Variants in TRIM9 observed in about 807,000 individuals in gnomAD.
TRIM9 encodes E3 ubiquitin-protein ligase TRIM9.
TRIM9 carries 26 observed loss-of-function variants against 78.3 expected under a neutral mutation model. The observed-to-expected ratio is 0.33, with a 90% CI of 0.24 to 0.46. TRIM9 has a LOEUF of 0.46. Among genes scored for constraint, TRIM9 ranks in the 20% least tolerant of loss-of-function variants. The pLI is 1.00. For synonymous variants in TRIM9, 398 were observed against 416.5 expected (o/e 0.96, Z 0.54); for missense variants, 787 against 1,036.4 (o/e 0.76, Z 3.30).
At chr14:51,047,726 A>G (rs960480395) in intron 1 of TRIM9, among the ~76,000 whole-genome samples, 2 of 152,244 alleles carry the variant, frequency 1.3e-5, no homozygotes, top group Admixed American at 6.5e-5. Context: ...TGGCCAATGA[A>G]GAGGTGCCAA....
intron 1 of TRIM9, among the ~76,000 whole-genome samples, chr14:51,049,990 A>G (rs965593056): frequency 1.3e-5 from 2 of 152,140 alleles, no homozygotes; most frequent in African/African-American, 2.4e-5. Flanking sequence ...GACAAGCTAA[A>G]TCACATAGGG....
intron 3 of TRIM9, among the ~76,000 whole-genome samples, chr14:51,018,656 G>C (rs2057456591): frequency 6.6e-6 from 1 of 152,108 alleles, no homozygotes; most frequent in Non-Finnish European, 1.5e-5. Context: ...TAGCTACAAT[G>C]GGCACACGGA....
At chr14:51,016,422 GA>G (rs2057197385) in intron 3 of TRIM9, among the ~76,000 whole-genome samples, 1 of 151,932 alleles carries the variant, frequency 6.6e-6, no homozygotes, top group South Asian at 2.1e-4. Context: ...TCTAATGCCT[GA>G]TGATCTGAGG....
chr14:51,073,018 A>T (rs914108496), intron 1 of TRIM9, among the ~76,000 whole-genome samples: 6 of 152,232 alleles, frequency 3.9e-5, no homozygotes, highest in South Asian at 2.1e-4. Context: ...CTCAATGGAA[A>T]AGTGGGTAAA....
chr14:51,021,441 T>A lies in TRIM9; in HGVS notation c.1041+1394A>T, dbSNP rs74463491. Among the ~76,000 whole-genome samples, 38 of 152,296 alleles carry A rather than the reference T, an allele frequency of 2.5e-4. No homozygotes were observed. The East Asian group carries it at 2.5e-3, about 10-fold the overall frequency. ...TCAAACTTCTATGACATTGGGCACC[T>A]CTCTCCTGGAAGCCCACTCTGTACC... is the stretch of plus-strand genomic sequence containing the variant. On this transcript the variant is annotated intron_variant, in intron 3 of 12. Transcript: ENST00000684578.
intron 7 of TRIM9, chr14:50,986,426 T>G: frequency 3.9e-6 from 1 of 255,040 alleles, no homozygotes; most frequent in East Asian, 7.3e-5. Flanking sequence ...TTTAATTAAA[T>G]AAAATACTTT....
chr14:50,986,575 G>C (rs2052743196), intron 7 of TRIM9: 1 of 152,752 alleles, frequency 6.5e-6, no homozygotes, highest in Non-Finnish European at 1.5e-5. Context: ...CTAAGAGATG[G>C]TGATTTTTTA....
At position 51,007,968 on chromosome 14, in the gene TRIM9, C is replaced by A. The variant is rs544992944; in HGVS notation, c.1306+1112G>T. On this transcript the variant is annotated intron_variant, in intron 5 of 12. Transcript: ENST00000684578. ...ATAATCTCTCTTTGATAAAAGCATA[C>A]AGGTAGATTTTTCTTAAGAAACAAA... 5.3e-5 allele frequency among the ~76,000 whole-genome samples: 8 copies of A among 152,242 alleles called. No individual in the cohort carries two copies. The South Asian group carries it at 1.7e-3, about 32-fold the overall frequency.
chr14:51,067,994 C>T lies in TRIM9; in HGVS notation c.822+26124G>A, dbSNP rs552113001. Among the ~76,000 whole-genome samples the T allele has an allele frequency of 1.2e-4, 18 of 152,312 alleles. No individual in the cohort carries two copies. In the South Asian group the frequency reaches 3.5e-3, roughly 30 times the overall value. ...ATAGCAGGCATTCAATTGACACTTGCTGAATACATGAATTAAAGTTTTCAA... is the reference window on the plus strand; with the variant it reads ...ATAGCAGGCATTCAATTGACACTTGTTGAATACATGAATTAAAGTTTTCAA... On this transcript the variant is annotated intron_variant, in intron 1 of 12. Transcript: ENST00000684578.
In TRIM9 at chr14:51,094,790, ATGG is replaced by A. The variant is rs779389707; in HGVS notation, c.147_149del (p.His50del). ...CGGAGACCCCGGAGCCCGCGGCCCG[ATGG>A]CTCTGGGGGGATTCAGACTCTGGGG... On this transcript the variant is annotated inframe_deletion, in exon 1 of 13. Transcript: ENST00000684578. The A allele has an allele frequency of 6.5e-7, 1 of 1,530,692 alleles. No homozygotes were observed. The highest frequency in any genetic ancestry group is 2.3e-5 in the East Asian group (1 of 44,230). The allele number at this position is 1,530,692 out of a possible 1,614,324, so 94.8% of individuals were successfully genotyped here.
chr14:51,041,982 G>A (rs539722442), intron 1 of TRIM9, among the ~76,000 whole-genome samples: 43 of 152,186 alleles, frequency 2.8e-4, no homozygotes, highest in Non-Finnish European at 5.0e-4. Flanking sequence ...GAACAATGTG[G>A]CTCACTGCTG....
chr14:51,045,423 G>A (rs1220022375), intron 1 of TRIM9, among the ~76,000 whole-genome samples: 1 of 152,206 alleles, frequency 6.6e-6, no homozygotes, highest in Non-Finnish European at 1.5e-5. Flanking sequence ...CTACCAGGAT[G>A]GGCTGCCTGA....
chr14:50,987,641 T>G (rs1399949334), intron 7 of TRIM9, among the ~76,000 whole-genome samples: 1 of 152,208 alleles, frequency 6.6e-6, no homozygotes, highest in Non-Finnish European at 1.5e-5. Context: ...AAAAATTATT[T>G]GTTATAATCA....
chr14:51,092,469 G>T (rs1452321272), intron 1 of TRIM9, among the ~76,000 whole-genome samples: 4 of 152,146 alleles, frequency 2.6e-5, no homozygotes, highest in African/African-American at 9.7e-5. Flanking sequence ...ACTTGCAAAA[G>T]CTACCCTTTC....
chr14:51,022,785 CG>C (rs1448876714), intron 3 of TRIM9, 49 bp downstream of exon 3: 3 of 1,609,306 alleles, frequency 1.9e-6, no homozygotes, highest in East Asian at 2.2e-5. Flanking sequence ...TCATGCCCCT[CG>C]GGAGCCTGGC....
At chr14:51,081,008 G>A (rs950744112) in intron 1 of TRIM9, among the ~76,000 whole-genome samples, 2 of 152,216 alleles carry the variant, frequency 1.3e-5, no homozygotes, top group African/African-American at 4.8e-5. Context: ...TGATAGGCCA[G>A]TCTTGATAAG....
chr14:50,986,020 AAAGT>A lies in TRIM9; in HGVS notation c.1724_1727del (p.Tyr575LeufsTer10). 6.5e-7 allele frequency: 1 copy of A among 1,549,708 alleles called. No homozygotes were observed. The highest frequency in any genetic ancestry group is 2.4e-5 in the East Asian group (1 of 40,840). On this transcript the variant is annotated frameshift_variant, in exon 8 of 13. Transcript: ENST00000684578. LOFTEE classifies it high-confidence loss of function. ...GCTGGTGGGGTGAGGATCGGAAATC[AAAGT>A]AGGATCTCCCGGGGAAGCTGGGTTG...
intron 1 of TRIM9, among the ~76,000 whole-genome samples, chr14:51,082,271 T>G (rs7161304): frequency 0.089 from 13,600 of 152,226 alleles, 880 homozygotes; most frequent in African/African-American, 0.19. Context: ...TCAAGGTAAT[T>G]GAAAACATGT....
At chr14:51,057,451 G>A (rs879476328) in intron 1 of TRIM9, among the ~76,000 whole-genome samples, 5 of 152,070 alleles carry the variant, frequency 3.3e-5, no homozygotes, top group Non-Finnish European at 7.4e-5. Context: ...TTTTCTGGAA[G>A]TCACCATAAT....
Sources: gnomAD v4.1 joint callset for allele counts (sites outside exome capture counted in the v4.1 genomes callset) on GRCh38, gnomAD v4.1.1 for gene constraint, MANE v1.5 for transcripts, NCBI Gene and HGNC (gene_info 2026-07-23, HGNC 2026-07-21) for gene names.